Variants in SHISA9 observed in about 807,000 individuals in gnomAD.
The protein encoded by SHISA9 is protein shisa-9.
In SHISA9, 13 loss-of-function variants were observed where a neutral mutation model predicts 38.0. That is an observed-to-expected ratio of 0.34 (90% CI 0.22 to 0.54). SHISA9 has a LOEUF of 0.54. SHISA9 is among the 20% of genes least tolerant of loss of function. The pLI is 0.91. For missense variants in SHISA9, 538 were observed against 575.8 expected, an observed-to-expected ratio of 0.93 and a Z score of 0.67; for synonymous variants, 275 against 242.0, an observed-to-expected ratio of 1.14 and a Z score of -1.27.
chr16:12,974,032 C>T (rs1256054225), intron 2 of SHISA9, among the ~76,000 whole-genome samples: 1 of 152,178 alleles, frequency 6.6e-6, no homozygotes, highest in Non-Finnish European at 1.5e-5. Flanking sequence ...AGACACAAGT[C>T]AAGGGTCTCC....
At chr16:13,252,526 C>T in the SHISA9 span, among the ~76,000 whole-genome samples, 1 of 152,178 alleles carries the variant, frequency 6.6e-6, no homozygotes, top group Non-Finnish European at 1.5e-5. Flanking sequence ...TGCAGTCTTC[C>T]TCCCCTGGCT....
At chr16:13,154,710 G>A (rs567263269) in intron 2 of SHISA9, among the ~76,000 whole-genome samples, 2 of 152,324 alleles carry the variant, frequency 1.3e-5, no homozygotes, top group Non-Finnish European at 2.9e-5. Context: ...TAATCAGCCT[G>A]GCTTTTTACC....
the SHISA9 span, among the ~76,000 whole-genome samples, chr16:13,441,757 C>T: frequency 6.6e-6 from 1 of 152,124 alleles, no homozygotes. Context: ...AACCTGGTGC[C>T]GTCCCTATTG....
At position 13,239,162 on chromosome 16, in the gene SHISA9, G is replaced by C. The variant is rs1322131217; in HGVS notation, c.*3753G>C. The C allele has an allele frequency of 1.3e-5, 2 of 151,692 alleles. No individual in the cohort carries two copies. Among genetic ancestry groups the C allele is most frequent in the African/African-American group, 4.8e-5 (2 of 41,292 alleles). 9.4% of individuals were successfully genotyped at this position (151,692 alleles called of 1,614,324 possible). ...TCATCCATGTCCCTACAAAGGACAT[G>C]AACTCATCATTTTTTATGGCTGCAT... is the stretch of plus-strand genomic sequence containing the variant. On this transcript the variant is annotated 3_prime_UTR_variant, in exon 5 of 5. Coordinates refer to ENST00000558583, the MANE Select transcript of SHISA9 (RefSeq NM_001145204.3).
rs573201735 is a variant in SHISA9 at position 13,007,105 on chromosome 16, A to T, written c.691+90290A>T. On this transcript the variant is annotated intron_variant, in intron 2 of 4. Transcript: ENST00000558583. ...TGCCAGTGTATTCTAGATACTAGAG[A>T]TAATACAACGTACAACACAGACTAA... Among the ~76,000 whole-genome samples the T allele has an allele frequency of 3.9e-5, 6 of 152,298 alleles. No homozygotes were observed. The East Asian group carries it at 1.2e-3, about 29-fold the overall frequency.
chr16:13,257,750 T>G, the SHISA9 span, among the ~76,000 whole-genome samples: 147,597 of 152,238 alleles, frequency 0.97, 71,578 homozygotes, highest in East Asian at 1. Context: ...TTTTAGAGTG[T>G]GAAAGCTCCC....
chr16:13,163,092 A>T (rs2050609357), intron 2 of SHISA9, among the ~76,000 whole-genome samples: 1 of 152,186 alleles, frequency 6.6e-6, no homozygotes, highest in African/African-American at 2.4e-5. Context: ...ACAAAAACTG[A>T]GTGACCTTGG....
At chr16:12,956,302 C>A (rs1272369908) in intron 2 of SHISA9, among the ~76,000 whole-genome samples, 1 of 152,132 alleles carries the variant, frequency 6.6e-6, no homozygotes, top group African/African-American at 2.4e-5. Context: ...TAGTTTAACC[C>A]TTATGAGAAA....
rs910604107 is a variant in SHISA9, at chr16:13,235,315, C to T, written c.1181C>T (p.Thr394Ile). The stretch of plus-strand genomic sequence containing the variant: ...AAGGGCAAGCTTGGCACGGCCGAGA[C>T]AGGCTCCAGCGACCCCTTGGGAACT... ...SNKGKLGTAE[T>I]GSSDPLGTRP... The change falls in exon 5 of 5, where the codon ACA becomes ATA. Residue 394 changes from threonine to isoleucine, a missense_variant. Transcript: ENST00000558583. 1.3e-6 allele frequency: 2 copies of T among 1,549,608 alleles called. No homozygotes were observed. The highest frequency in any genetic ancestry group is 2.4e-5 in the East Asian group (1 of 40,910).
At chr16:13,497,854 A>G in the SHISA9 span, among the ~76,000 whole-genome samples, 2 of 152,150 alleles carry the variant, frequency 1.3e-5, no homozygotes, top group Non-Finnish European at 2.9e-5. Context: ...ACAATTAATT[A>G]TCTATTTGTT....
chr16:13,017,901 G>T (rs1235255652), intron 2 of SHISA9, among the ~76,000 whole-genome samples: 1 of 152,156 alleles, frequency 6.6e-6, no homozygotes, highest in Non-Finnish European at 1.5e-5. Flanking sequence ...CAATCCCCTT[G>T]TTCAATGAAA....
chr16:12,988,558 T>C (rs1426074476), intron 2 of SHISA9, among the ~76,000 whole-genome samples: 4 of 152,192 alleles, frequency 2.6e-5, no homozygotes, highest in Admixed American at 6.5e-5. Context: ...AGCCTCTCGC[T>C]CTGTCACCAA....
rs113091332 is a variant in SHISA9, at chr16:12,955,059, G to GTT, written c.691+38253_691+38254dup. Among the ~76,000 whole-genome samples the GTT allele has an allele frequency of 6.4e-4, 96 of 148,964 alleles. No homozygotes were observed. In the Middle Eastern group the frequency reaches 0.01, roughly 16 times the overall value. ...CTGAAGCCAGGAGGTGTGCATTGCT[G>GTT]TTTTTTTTTTATTCTTGCCTAGTGT... On this transcript the variant is annotated intron_variant, in intron 2 of 4. Coordinates refer to ENST00000558583, the MANE Select transcript of SHISA9 (RefSeq NM_001145204.3).
intron 2 of SHISA9, among the ~76,000 whole-genome samples, chr16:13,090,073 C>G (rs2073757577): frequency 6.6e-6 from 1 of 152,222 alleles, no homozygotes; most frequent in African/African-American, 2.4e-5. Flanking sequence ...AGTAGTCATT[C>G]AGGAGCAAGT....
At chr16:13,469,387 AAGAAAGAAAG>A in the SHISA9 span, among the ~76,000 whole-genome samples, 1 of 119,110 alleles carries the variant, frequency 8.4e-6, no homozygotes, top group South Asian at 3.0e-4. Context: ...GAAAGAAAGA[AAGAAAGAAAG>A]AAAGAAAGAA....
At chr16:13,346,973 A>C in the SHISA9 span, among the ~76,000 whole-genome samples, 1 of 152,126 alleles carries the variant, frequency 6.6e-6, no homozygotes. Context: ...AGATTTATTC[A>C]CATTTGTTCT....
rs1430368739 is a variant in SHISA9, at chr16:13,222,815, T to TATATATAC, written c.895+9516_895+9517insTATATACA. 5.8e-3 allele frequency among the ~76,000 whole-genome samples: 410 copies of TATATATAC among 70,914 alleles called. 2 individuals are homozygous for TATATATAC. The highest frequency in any genetic ancestry group is 0.037 in the African/African-American group (387 of 10,414). 46.5% of individuals were successfully genotyped at this position (70,914 alleles called of 152,430 possible). On this transcript the variant is annotated intron_variant, in intron 4 of 4. Coordinates refer to ENST00000558583, the MANE Select transcript of SHISA9 (RefSeq NM_001145204.3). ...ATGTATATATATATATATATATACA[T>TATATATAC]ACACACACCACAAGGTGTATATCCA... is the stretch of plus-strand genomic sequence containing the variant.
At chr16:13,529,284 G>C in the SHISA9 span, among the ~76,000 whole-genome samples, 123 of 152,342 alleles carry the variant, frequency 8.1e-4, no homozygotes, top group Middle Eastern at 6.8e-3. Flanking sequence ...ATTGTACTGT[G>C]TCTTGATCTT....
At chr16:12,923,547 T>G (rs1031145928) in intron 2 of SHISA9, among the ~76,000 whole-genome samples, 4 of 151,060 alleles carry the variant, frequency 2.6e-5, no homozygotes, top group African/African-American at 9.7e-5. Flanking sequence ...GAAGAAGAAA[T>G]TTTGGGAGAC....
Sources: gnomAD v4.1 joint callset for allele counts (sites outside exome capture counted in the v4.1 genomes callset) on GRCh38, gnomAD v4.1.1 for gene constraint, MANE v1.5 for transcripts, NCBI Gene and HGNC (gene_info 2026-07-23, HGNC 2026-07-21) for gene names.